TPGS2: variants seen among roughly 807,000 people sequenced by gnomAD.
TPGS2 encodes the protein polyglutamylase subunit 2.
In TPGS2, 26 loss-of-function variants were observed where a neutral mutation model predicts 31.1. The observed-to-expected ratio is 0.84, with a 90% CI of 0.61 to 1.16. The LOEUF (loss-of-function observed/expected upper bound fraction) is 1.16. Among genes scored for constraint, TPGS2 ranks in the 50% most tolerant of loss-of-function variants. The pLI is 0.00. For synonymous variants in TPGS2, 130 were observed against 136.6 expected, an observed-to-expected ratio of 0.95 and a Z score of 0.34; for missense variants, 351 against 363.8, an observed-to-expected ratio of 0.96 and a Z score of 0.29.
At position 36,795,244 on chromosome 18, in the gene TPGS2, C is replaced by CTTAG. The variant is rs1366596660; in HGVS notation, c.*1557_*1560dup. 4.9e-5 allele frequency: 48 copies of CTTAG among 985,276 alleles called. No homozygotes were observed. The highest frequency in any genetic ancestry group is 5.7e-5 in the Non-Finnish European group (47 of 829,950). The allele number at this position is 985,276 out of a possible 1,614,324, so 61.0% of individuals were successfully genotyped here. The stretch of plus-strand genomic sequence containing the variant: ...CATGTGGAGAATCCTGTGGACTGCT[C>CTTAG]TTAGTTCCCCAGTGGGTTTGGAAGA... On this transcript the variant is annotated 3_prime_UTR_variant, in exon 7 of 7. Transcript: ENST00000334295.
Position 36,796,944 on chromosome 18 carries a change from T to C in TPGS2, c.764A>G (p.Lys255Arg). The C allele has an allele frequency of 1.2e-6, 2 of 1,607,658 alleles. No homozygotes were observed. The highest frequency in any genetic ancestry group is 2.7e-5 in the African/African-American group (2 of 74,596). ...CTTTTTTGGGATTACGATCTTGTTCTTGCTCTTAAACACTTTGCTGGGATC... is the reference window on the plus strand; with the variant it reads ...CTTTTTTGGGATTACGATCTTGTTCCTGCTCTTAAACACTTTGCTGGGATC... ...KLDPSKVFKS[K>R]NKIVIPKKKG... The change falls in exon 7 of 7, where the codon AAG becomes AGG. Residue 255 changes from lysine to arginine, a missense_variant. Coordinates refer to ENST00000334295, the MANE Select transcript of TPGS2 (RefSeq NM_015476.4).
intron 6 of TPGS2, among the ~76,000 whole-genome samples, chr18:36,797,489 G>C (rs1211861370): frequency 4.7e-5 from 7 of 149,226 alleles, no homozygotes; most frequent in Non-Finnish European, 1.0e-4. Context: ...GAGGGATGCT[G>C]TATCTTGTTG....
At chr18:36,823,588 G>A (rs917164410) in intron 1 of TPGS2, among the ~76,000 whole-genome samples, 2 of 148,984 alleles carry the variant, frequency 1.3e-5, no homozygotes, top group Non-Finnish European at 3.0e-5. Context: ...AGCCTCCCGA[G>A]TAGCTGGGAC....
rs549999182 is a variant in TPGS2 at position 36,784,052 on chromosome 18, A to C, written c.658-921T>G. Among the ~76,000 whole-genome samples, 5 of 152,252 alleles carry C rather than the reference A, an allele frequency of 3.3e-5. No homozygotes were observed. The East Asian group carries it at 9.7e-4, about 29-fold the overall frequency. On this transcript the variant is annotated intron_variant, in intron 6 of 6. Coordinates refer to the TPGS2 transcript ENST00000587129. Reference sequence around the variant, plus strand: ...GCAGCCACCAAGAGCTGTAAAAGGCAAGGAATAGGTGCTGCCCTGGAGCCT... The same window carrying C: ...GCAGCCACCAAGAGCTGTAAAAGGCCAGGAATAGGTGCTGCCCTGGAGCCT...
At chr18:36,821,847 C>T (rs1477997268) in intron 1 of TPGS2, among the ~76,000 whole-genome samples, 2 of 152,196 alleles carry the variant, frequency 1.3e-5, no homozygotes, top group African/African-American at 2.4e-5. Context: ...CCTCCTGTTC[C>T]CCGCTGGCGT....
At chr18:36,827,643 A>G (rs951927174) in intron 1 of TPGS2, among the ~76,000 whole-genome samples, 14 of 152,328 alleles carry the variant, frequency 9.2e-5, no homozygotes, top group African/African-American at 3.4e-4. Context: ...AAGGCACTGA[A>G]GCATGCTTTT....
chr18:36,787,765 A>G (rs1167885903), intron 6 of TPGS2, among the ~76,000 whole-genome samples: 1 of 152,234 alleles, frequency 6.6e-6, no homozygotes, highest in East Asian at 1.9e-4. Flanking sequence ...ATGATTAGGC[A>G]TGCGATTAGG....
chr18:36,792,224 C>G (rs111608001), downstream of TPGS2, among the ~76,000 whole-genome samples: 1 of 151,940 alleles, frequency 6.6e-6, no homozygotes. Flanking sequence ...AGAGCAATTG[C>G]TAAAACATAA....
Position 36,794,443 on chromosome 18 carries a change from C to T in TPGS2, c.*2362G>A. On this transcript the variant is annotated 3_prime_UTR_variant, in exon 7 of 7. Coordinates refer to ENST00000334295, the MANE Select transcript of TPGS2 (RefSeq NM_015476.4). ...AGTGACACCGCTGACCTCCTGGTTC[C>T]TCCGCTGCTTCACTTGTGGAATCCA... is the stretch of plus-strand genomic sequence containing the variant. 12 of 985,494 alleles carry T rather than the reference C, an allele frequency of 1.2e-5. No individual in the cohort carries two copies. The South Asian group carries it at 5.6e-4, about 46-fold the overall frequency. 61.0% of individuals were successfully genotyped at this position (985,494 alleles called of 1,614,324 possible). A position where few individuals can be genotyped will look rare whatever the true frequency, so the allele number is the denominator to read the frequency against.
chr18:36,828,757 T>C lies in TPGS2; in HGVS notation c.11A>G (p.Glu4Gly). 1.2e-6 allele frequency: 2 copies of C among 1,613,600 alleles called. No individual in the cohort carries two copies. The highest frequency in any genetic ancestry group is 1.7e-6 in the Non-Finnish European group (2 of 1,179,876). ...GCAGCCCAGCCCCGGGGACGATGCC[T>C]CCTCCTCCATGGCTCGCGACCGCGA... MEE[E>G]ASSPGLGCSK... The change falls in exon 1 of 7, where the codon GAG becomes GGG. Residue 4 changes from glutamate to glycine, a missense_variant. Glu to Gly is a moderately conservative substitution (Grantham distance 98). Transcript: ENST00000334295.
At chr18:36,791,662 A>C (rs915017301), downstream of TPGS2, among the ~76,000 whole-genome samples, 5 of 152,204 alleles carry the variant, frequency 3.3e-5, no homozygotes, top group Non-Finnish European at 7.3e-5. Flanking sequence ...AATTAACTCC[A>C]TAATGGAGGC....
Position 36,828,971 on chromosome 18 carries a change from A to C in TPGS2, c.-204T>G. 9.7e-7 allele frequency: 1 copy of C among 1,030,110 alleles called. No individual in the cohort carries two copies. The highest frequency in any genetic ancestry group is 3.3e-5 in the Admixed American group (1 of 30,228). The allele number at this position is 1,030,110 out of a possible 1,614,324, so 63.8% of individuals were successfully genotyped here. A position where few individuals can be genotyped will look rare whatever the true frequency, so the allele number is the denominator to read the frequency against. ...CCCGCGGCCCCGCCCGGTGCCCCACACCGCACCTCCGGGACGTAGCTTCCC... is the reference window on the plus strand; with the variant it reads ...CCCGCGGCCCCGCCCGGTGCCCCACCCCGCACCTCCGGGACGTAGCTTCCC... On this transcript the variant is annotated 5_prime_UTR_variant, in exon 1 of 7. Coordinates refer to ENST00000334295, the MANE Select transcript of TPGS2 (RefSeq NM_015476.4).
chr18:36,807,238 T>C (rs1393937423), intron 3 of TPGS2, among the ~76,000 whole-genome samples: 1 of 152,178 alleles, frequency 6.6e-6, no homozygotes, highest in Admixed American at 6.5e-5. Flanking sequence ...GCACTGCCTT[T>C]TATGCCTACA....
In TPGS2 at chr18:36,795,556, A is replaced by G; in HGVS notation, c.*1249T>C. On this transcript the variant is annotated 3_prime_UTR_variant, in exon 7 of 7. Coordinates refer to ENST00000334295, the MANE Select transcript of TPGS2 (RefSeq NM_015476.4). ...TGCTTCTGCCCACAGCCAGGACTGT[A>G]GAGGGAGGAAATAAATAGGCATTCC... 5 of 985,472 alleles carry G rather than the reference A, an allele frequency of 5.1e-6. No homozygotes were observed. The highest frequency in any genetic ancestry group is 6.0e-6 in the Non-Finnish European group (5 of 829,936). The allele number at this position is 985,472 out of a possible 1,614,324, so 61.0% of individuals were successfully genotyped here.
At chr18:36,824,942 A>G (rs1047229070) in intron 1 of TPGS2, among the ~76,000 whole-genome samples, 1 of 152,228 alleles carries the variant, frequency 6.6e-6, no homozygotes, top group African/African-American at 2.4e-5. Flanking sequence ...CACTTAAAAA[A>G]GGAACCTAAG....
chr18:36,823,931 C>A, intron 1 of TPGS2: 2 of 877,910 alleles, frequency 2.3e-6, no homozygotes, highest in Non-Finnish European at 2.7e-6. Context: ...TTAAAAATAG[C>A]TTTACTGAGA....
downstream of TPGS2, among the ~76,000 whole-genome samples, chr18:36,791,935 G>C (rs1367787766): frequency 6.6e-6 from 1 of 151,750 alleles, no homozygotes; most frequent in Non-Finnish European, 1.5e-5. Context: ...GAAACAGGTG[G>C]GAGTATTGCT....
chr18:36,808,405 G>A (rs574416283), intron 2 of TPGS2, among the ~76,000 whole-genome samples: 3 of 152,248 alleles, frequency 2.0e-5, no homozygotes, highest in Admixed American at 2.0e-4. Context: ...TTGGGAGGCC[G>A]AGGTGGGCGG....
downstream of TPGS2, among the ~76,000 whole-genome samples, chr18:36,791,409 C>G (rs562777898): frequency 2.0e-5 from 3 of 152,264 alleles, no homozygotes; most frequent in Admixed American, 1.3e-4. Flanking sequence ...AAGGAGGGTT[C>G]TCCTTGTGGG....
Sources: allele counts gnomAD v4.1 joint callset (sites outside exome capture counted in the v4.1 genomes callset), GRCh38; gene constraint gnomAD v4.1.1; transcripts MANE v1.5; gene names NCBI Gene and HGNC (gene_info 2026-07-23, HGNC 2026-07-21).